AUTS2: variants seen among roughly 807,000 people sequenced by gnomAD.
The protein encoded by AUTS2 is activator of transcription and developmental regulator AUTS2.
A neutral mutation model predicts 112.4 loss-of-function variants in AUTS2; 17 were observed. The ratio of observed to expected loss-of-function variants is 0.15; its 90% CI spans 0.10 to 0.23. The LOEUF is 0.23. AUTS2 is among the 10% of genes least tolerant of loss of function. The probability of loss-of-function intolerance (pLI) is 1.00; values close to 1 mark genes in which losing one functional copy is unlikely to be tolerated. For synonymous variants in AUTS2, 751 were observed against 702.7 expected (o/e 1.07, Z -1.09); for missense variants, 1,510 against 1,701.6 (o/e 0.89, Z 1.98).
intron 1 of AUTS2, among the ~76,000 whole-genome samples, chr7:69,704,734 A>G (rs1483877353): frequency 3.3e-5 from 5 of 152,184 alleles, no homozygotes; most frequent in African/African-American, 7.2e-5. Flanking sequence ...ACACTATTCA[A>G]TACAGGATCA....
intron 1 of AUTS2, among the ~76,000 whole-genome samples, chr7:69,702,092 C>G (rs1055211020): frequency 1.3e-5 from 2 of 152,106 alleles, no homozygotes; most frequent in Admixed American, 1.3e-4. Flanking sequence ...TGAGGGACTT[C>G]GAGAGGTCAA....
chr7:70,595,520 G>T (rs576289529), intron 5 of AUTS2, among the ~76,000 whole-genome samples: 1 of 150,272 alleles, frequency 6.7e-6, no homozygotes, highest in Non-Finnish European at 1.5e-5. Context: ...GTATTCCTGG[G>T]AATGCCCCTG....
chr7:70,051,121 T>G (rs555868778), intron 2 of AUTS2, among the ~76,000 whole-genome samples: 105 of 152,230 alleles, frequency 6.9e-4, no homozygotes, highest in Non-Finnish European at 1.4e-3. Context: ...TTGAGTGAAA[T>G]GCAGAATTTT....
At chr7:70,367,577 AAATAAT>A (rs35678927) in intron 4 of AUTS2, among the ~76,000 whole-genome samples, 1 of 150,256 alleles carries the variant, frequency 6.7e-6, no homozygotes, top group Non-Finnish European at 1.5e-5. Context: ...AAATTGTAAA[AAATAAT>A]AATAATAATA....
At chr7:70,354,037 C>G (rs1791881747) in intron 4 of AUTS2, among the ~76,000 whole-genome samples, 1 of 152,190 alleles carries the variant, frequency 6.6e-6, no homozygotes, top group African/African-American at 2.4e-5. Context: ...AGCTCTTTAC[C>G]TAAAGCCACT....
intron 6 of AUTS2, among the ~76,000 whole-genome samples, chr7:70,747,215 A>C (rs780582994): frequency 6.6e-6 from 1 of 152,226 alleles, no homozygotes; most frequent in Non-Finnish European, 1.5e-5. Flanking sequence ...AGCATCTCTG[A>C]AGATAAAGTT....
chr7:70,377,336 A>G (rs1793143263), intron 4 of AUTS2, among the ~76,000 whole-genome samples: 3 of 50,680 alleles, frequency 5.9e-5, no homozygotes, highest in Admixed American at 3.9e-4. Flanking sequence ...ATATATATAT[A>G]TATATATATA....
chr7:70,385,045 T>A (rs1425054381), intron 4 of AUTS2, among the ~76,000 whole-genome samples: 1 of 152,200 alleles, frequency 6.6e-6, no homozygotes, highest in African/African-American at 2.4e-5. Context: ...ATGATTAGTT[T>A]ACACGAGTTT....
At chr7:69,903,482 G>C (rs1795045272) in intron 2 of AUTS2, among the ~76,000 whole-genome samples, 1 of 152,118 alleles carries the variant, frequency 6.6e-6, no homozygotes, top group African/African-American at 2.4e-5. Context: ...CTCAGATTTG[G>C]CTCTGACTGG....
chr7:70,529,507 A>G (rs550698997), intron 5 of AUTS2, among the ~76,000 whole-genome samples: 14 of 152,350 alleles, frequency 9.2e-5, no homozygotes, highest in African/African-American at 3.4e-4. Flanking sequence ...TGCTCTTTCT[A>G]TGGCAAAGTG....
At chr7:69,890,400 A>G (rs192486047) in intron 1 of AUTS2, among the ~76,000 whole-genome samples, 167 of 152,160 alleles carry the variant, frequency 1.1e-3, no homozygotes, top group Non-Finnish European at 1.8e-3. Context: ...TGCCTTTTAT[A>G]TGTTGAATTT....
rs78600925 is a variant in AUTS2 at position 70,267,937 on chromosome 7, T to C, written c.660+133366T>C. On this transcript the variant is annotated intron_variant, in intron 4 of 18. Coordinates refer to ENST00000342771, the MANE Select transcript of AUTS2 (RefSeq NM_015570.4). ...GCTGCTTAAACCCAGACTTATTGCC[T>C]TGGTTATCTTTAATGACTTTGAAAT... 4.8e-3 allele frequency among the ~76,000 whole-genome samples: 736 copies of C among 152,304 alleles called. 7 individuals carry two copies. Among genetic ancestry groups the C allele is most frequent in the African/African-American group, 0.017 (709 of 41,556 alleles).
chr7:70,678,904 C>T (rs1335588729), intron 5 of AUTS2, among the ~76,000 whole-genome samples: 6 of 152,054 alleles, frequency 3.9e-5, no homozygotes, highest in African/African-American at 7.2e-5. Context: ...TGTGGTTTTT[C>T]GAAGCACAGG....
intron 1 of AUTS2, among the ~76,000 whole-genome samples, chr7:69,736,024 G>A (rs1787016305): frequency 6.6e-6 from 1 of 152,190 alleles, no homozygotes; most frequent in Admixed American, 6.5e-5. Flanking sequence ...TATAGTGCTG[G>A]ATTTCCAGTA....
chr7:70,751,376 T>G (rs1284156562), intron 6 of AUTS2, among the ~76,000 whole-genome samples: 1 of 152,250 alleles, frequency 6.6e-6, no homozygotes, highest in Non-Finnish European at 1.5e-5. Context: ...TTTATTTTAT[T>G]CAACTTAATG....
chr7:69,765,173 A>G (rs1385489132), intron 1 of AUTS2, among the ~76,000 whole-genome samples: 2 of 152,222 alleles, frequency 1.3e-5, no homozygotes, highest in Admixed American at 6.5e-5. Flanking sequence ...GTAGCAATCC[A>G]AAATTGTCAA....
At chr7:69,763,387 T>A (rs971296050) in intron 1 of AUTS2, among the ~76,000 whole-genome samples, 2 of 152,232 alleles carry the variant, frequency 1.3e-5, no homozygotes, top group African/African-American at 4.8e-5. Flanking sequence ...ACATCTGTTA[T>A]AAGTGACTAA....
At position 70,073,492 on chromosome 7, in the gene AUTS2, C is replaced by G. The variant is rs576111430; in HGVS notation, c.523-44640C>G. On this transcript the variant is annotated intron_variant, in intron 2 of 18. Coordinates refer to ENST00000342771, the MANE Select transcript of AUTS2 (RefSeq NM_015570.4). ...CACCACTGCACTCCAGCCTGGGTGA[C>G]AAAGTGAGACCTCATCTCAAAAAAA... Among the ~76,000 whole-genome samples, 113 of 134,914 alleles carry G rather than the reference C, an allele frequency of 8.4e-4. No individual in the cohort carries two copies. The Middle Eastern group carries it at 0.033, about 40-fold the overall frequency. 88.5% of individuals were successfully genotyped at this position (134,914 alleles called of 152,430 possible).
chr7:70,212,526 C>T (rs1810961528), intron 4 of AUTS2, among the ~76,000 whole-genome samples: 1 of 151,998 alleles, frequency 6.6e-6, no homozygotes, highest in Non-Finnish European at 1.5e-5. Context: ...AAATTAAATT[C>T]CTAAAAAATT....
Sources: gnomAD v4.1 joint callset for allele counts (sites outside exome capture counted in the v4.1 genomes callset) on GRCh38, gnomAD v4.1.1 for gene constraint, MANE v1.5 for transcripts, NCBI Gene and HGNC (gene_info 2026-07-23, HGNC 2026-07-21) for gene names.